The following SLC28A1 variants were observed in gnomAD, a reference collection of about 807,000 sequenced individuals.
The protein encoded by SLC28A1 is sodium/nucleoside cotransporter 1.
Under a neutral mutation model 74.8 loss-of-function variants are expected in SLC28A1, and 64 were observed. The ratio of observed to expected loss-of-function variants is 0.86; its 90% CI spans 0.70 to 1.05. The LOEUF (loss-of-function observed/expected upper bound fraction) is 1.05. Ranked by LOEUF, SLC28A1 falls within the 50% of genes least tolerant of loss-of-function variation. The pLI is 0.00. For synonymous variants in SLC28A1, 359 were observed against 335.0 expected (o/e 1.07, Z -0.78); for missense variants, 828 against 822.8 (o/e 1.01, Z -0.08).
chr15:84,895,344 A>G, intron 6 of SLC28A1: 1 of 1,613,872 alleles, frequency 6.2e-7, no homozygotes, highest in Non-Finnish European at 8.5e-7. Flanking sequence ...ACTGTGGTGG[A>G]CGAAAACTGG....
rs114615130 is a variant in SLC28A1, at chr15:84,886,788, G to A, written c.-17+1G>A. The A allele has an allele frequency of 5.3e-3, 5,221 of 984,860 alleles. 217 individuals carry two copies. The African/African-American group carries it at 0.085, about 16-fold the overall frequency. The allele number at this position is 984,860 out of a possible 1,614,324, so 61.0% of individuals were successfully genotyped here. A position where few individuals can be genotyped will look rare whatever the true frequency, so the allele number is the denominator to read the frequency against. On this transcript the variant is annotated splice_donor_variant, in intron 2 of 18. Transcript: ENST00000394573. LOFTEE classifies it low-confidence loss of function (5UTR_SPLICE). ...AGAGCGACCTGTTAACCGCAAATAC[G>A]TGAGTAGAAACAGGGCCCCGCTTCT...
At chr15:84,942,820 TAGTAGGGCCAAAGCGACAGGACTA>T (rs1972862183) in intron 15 of SLC28A1, among the ~76,000 whole-genome samples, 1 of 152,086 alleles carries the variant, frequency 6.6e-6, no homozygotes, top group South Asian at 2.1e-4. Context: ...GGACAGAGCT[TAGTAGGGCCAAAGCGACAGGACTA>T]ACAAAGGCTG....
chr15:84,941,813 C>CAA (rs36086558), intron 15 of SLC28A1, among the ~76,000 whole-genome samples: 3 of 151,876 alleles, frequency 2.0e-5, no homozygotes, highest in East Asian at 3.9e-4. Flanking sequence ...CAGAAGTTTT[C>CAA]AAAAAAAGGA....
the SLC28A1 span, among the ~76,000 whole-genome samples, chr15:84,959,694 C>G: frequency 1.1e-4 from 16 of 152,186 alleles, no homozygotes; most frequent in African/African-American, 3.9e-4. Flanking sequence ...TATGCCCTTC[C>G]TGTTTCATGT....
intron 15 of SLC28A1, among the ~76,000 whole-genome samples, chr15:84,937,898 A>AAAAAC (rs60842883): frequency 0.89 from 133,596 of 149,460 alleles, 59,888 homozygotes; most frequent in East Asian, 0.96. Flanking sequence ...CTCTGTCTCA[A>AAAAAC]AAAACAAAAC....
At chr15:84,943,890 C>T (rs559571845) in intron 16 of SLC28A1, among the ~76,000 whole-genome samples, 17 of 151,272 alleles carry the variant, frequency 1.1e-4, no homozygotes, top group African/African-American at 3.2e-4. Context: ...GGCTACAGAG[C>T]GAGACTCTGT....
At chr15:84,917,067 G>A (rs1969226030) in intron 9 of SLC28A1, among the ~76,000 whole-genome samples, 1 of 146,788 alleles carries the variant, frequency 6.8e-6, no homozygotes, top group Non-Finnish European at 1.5e-5. Context: ...GAACAGATGA[G>A]AAATTCAGAA....
At chr15:84,928,581 TC>T (rs1567172294) in intron 12 of SLC28A1, among the ~76,000 whole-genome samples, 22 of 26,038 alleles carry the variant, frequency 8.4e-4, no homozygotes, top group African/African-American at 6.1e-3. Flanking sequence ...TTTCTTTCTT[TC>T]TTTCTTTCTT....
At chr15:84,951,612 A>G in the SLC28A1 span, among the ~76,000 whole-genome samples, 56 of 152,196 alleles carry the variant, frequency 3.7e-4, no homozygotes, top group African/African-American at 1.3e-3. Flanking sequence ...AGGTGGCAAG[A>G]AGGAGCAGAT....
chr15:84,932,551 A>T (rs1971444012), intron 12 of SLC28A1, among the ~76,000 whole-genome samples: 1 of 152,216 alleles, frequency 6.6e-6, no homozygotes, highest in Non-Finnish European at 1.5e-5. Flanking sequence ...GTTGGCTTGC[A>T]GTGGTGAGTT....
At chr15:84,912,338 G>C (rs1968377506) in intron 9 of SLC28A1, among the ~76,000 whole-genome samples, 2 of 152,140 alleles carry the variant, frequency 1.3e-5, no homozygotes, top group Non-Finnish European at 2.9e-5. Flanking sequence ...TTTCAGTCTG[G>C]GGAAGTCTTC....
the SLC28A1 span, among the ~76,000 whole-genome samples, chr15:84,967,907 A>G: frequency 6.6e-6 from 1 of 152,136 alleles, no homozygotes; most frequent in Non-Finnish European, 1.5e-5. Flanking sequence ...GGACAGACGC[A>G]CTAGACGCAC....
intron 9 of SLC28A1, among the ~76,000 whole-genome samples, chr15:84,910,017 C>T (rs980971895): frequency 2.0e-5 from 3 of 152,240 alleles, no homozygotes; most frequent in Non-Finnish European, 2.9e-5. Context: ...TTCAGACCCT[C>T]CTGCCTACCC....
At position 84,935,909 on chromosome 15, in the gene SLC28A1, G is replaced by C. The variant is rs147494256; in HGVS notation, c.1581+391G>C. Among the ~76,000 whole-genome samples the C allele has an allele frequency of 1.5e-3, 220 of 150,852 alleles. 1 individual carries two copies. The highest frequency in any genetic ancestry group is 5.1e-3 in the African/African-American group (210 of 40,914). On this transcript the variant is annotated intron_variant, in intron 15 of 18. Transcript: ENST00000394573. ...TGAGCTGGGAGAGTGAGATAAGGAG[G>C]CTTCACTAACACCCTCACTGTTTTG...
chr15:84,886,971 C>G (rs1180493889), intron 2 of SLC28A1, among the ~76,000 whole-genome samples, 184 bp downstream of exon 2: 1 of 152,114 alleles, frequency 6.6e-6, no homozygotes, highest in African/African-American at 2.4e-5. Context: ...GGAGCGGGAA[C>G]AAGAGAAGGG....
chr15:84,945,611 C>G lies in SLC28A1; in HGVS notation c.*411C>G. The G allele has an allele frequency of 3.5e-6, 1 of 288,242 alleles. No homozygotes were observed. The highest frequency in any genetic ancestry group is 6.8e-6 in the Non-Finnish European group (1 of 147,598). 17.9% of individuals were successfully genotyped at this position (288,242 alleles called of 1,614,324 possible). ...CCACTTCCTAGGCACTAGGATCTCT[C>G]TGTGGCTTCCCCTGCTGGGTGGTGT... On this transcript the variant is annotated 3_prime_UTR_variant, in exon 19 of 19. Transcript: ENST00000394573.
intron 6 of SLC28A1, among the ~76,000 whole-genome samples, chr15:84,897,663 T>C (rs957332331): frequency 6.6e-6 from 1 of 152,232 alleles, no homozygotes; most frequent in Admixed American, 6.5e-5. Context: ...CCTAGCTATT[T>C]TGAAATATGC....
At chr15:84,890,583 G>A in intron 5 of SLC28A1, 49 bp downstream of exon 5, 1 of 1,425,012 alleles carries the variant, frequency 7.0e-7, no homozygotes, top group Non-Finnish European at 9.7e-7. Flanking sequence ...TCCTGCCTCA[G>A]CTATCCATGT....
chr15:84,898,671 A>G (rs1303260039), intron 6 of SLC28A1, among the ~76,000 whole-genome samples: 2 of 152,156 alleles, frequency 1.3e-5, no homozygotes, highest in African/African-American at 2.4e-5. Context: ...TGAAACAGCT[A>G]AAAAACTGGA....
Sources: allele counts gnomAD v4.1 joint callset (sites outside exome capture counted in the v4.1 genomes callset), GRCh38; gene constraint gnomAD v4.1.1; transcripts MANE v1.5; gene names NCBI Gene and HGNC (gene_info 2026-07-23, HGNC 2026-07-21).